AFF2: variants seen among roughly 807,000 people sequenced by gnomAD.
The protein encoded by AFF2 is AF4/FMR2 family member 2.
AFF2 carries 14 observed loss-of-function variants against 76.9 expected under a neutral mutation model. The ratio of observed to expected loss-of-function variants is 0.18; its 90% CI spans 0.12 to 0.28. The LOEUF (loss-of-function observed/expected upper bound fraction) is 0.28, where lower values mean the gene tolerates loss of function less well. Ranked by LOEUF, AFF2 falls within the 10% of genes least tolerant of loss-of-function variation. The probability of loss-of-function intolerance (pLI) is 1.00; values close to 1 mark genes in which losing one functional copy is unlikely to be tolerated. For synonymous variants in AFF2, 398 were observed against 366.7 expected (o/e 1.09, Z -0.98); for missense variants, 868 against 1,001.1 (o/e 0.87, Z 1.79).
At chrX:148,825,893 A>G (rs2070382629) in intron 4 of AFF2, among the ~76,000 whole-genome samples, 1 of 109,974 alleles carries the variant, frequency 9.1e-6, no homozygotes, top group Admixed American at 9.7e-5. Context: ...CTTTTGGACA[A>G]GAGTTACAAA....
rs1221906450 is a variant in AFF2, at chrX:148,997,315, A to G, written c.*5983A>G. 9.0e-6 allele frequency: 1 copy of G among 111,486 alleles called. No individual in the cohort carries two copies. Among genetic ancestry groups the G allele is most frequent in the Non-Finnish European group, 1.9e-5 (1 of 53,107 alleles). 9.2% of individuals were successfully genotyped at this position (111,486 alleles called of 1,213,427 possible). Reference sequence around the variant, plus strand: ...CACACACACACTCACACACACACACATACACTTTTTAAATTTTTAAATTAG... The same window carrying G: ...CACACACACACTCACACACACACACGTACACTTTTTAAATTTTTAAATTAG... On this transcript the variant is annotated 3_prime_UTR_variant, in exon 21 of 21. Coordinates refer to ENST00000370460, the MANE Select transcript of AFF2 (RefSeq NM_002025.4).
At chrX:148,745,223 T>C (rs1171458942) in intron 3 of AFF2, among the ~76,000 whole-genome samples, 3 of 112,056 alleles carry the variant, frequency 2.7e-5, no homozygotes, top group Non-Finnish European at 5.6e-5. Flanking sequence ...TGTGGTTTCA[T>C]CTCTAAAATG....
At chrX:148,913,045 A>G (rs1373208574) in intron 9 of AFF2, among the ~76,000 whole-genome samples, 2 of 113,158 alleles carry the variant, frequency 1.8e-5, no homozygotes, top group Non-Finnish European at 3.7e-5. Context: ...TTGGGCTCTT[A>G]ATGTTGTTCA....
chrX:148,976,390 A>G (rs781928485), intron 16 of AFF2, among the ~76,000 whole-genome samples: 2 of 112,195 alleles, frequency 1.8e-5, no homozygotes, highest in Non-Finnish European at 3.8e-5. Context: ...CCATTTTTGC[A>G]TGTACCCATT....
chrX:148,827,806 C>T (rs935908347), intron 4 of AFF2, among the ~76,000 whole-genome samples: 9 of 111,839 alleles, frequency 8.0e-5, no homozygotes, highest in Non-Finnish European at 9.4e-5. Context: ...TGTCAGATAC[C>T]TTGCAAGGAG....
intron 1 of AFF2, among the ~76,000 whole-genome samples, chrX:148,514,512 G>A (rs1368777580): frequency 8.9e-6 from 1 of 112,610 alleles, no homozygotes; most frequent in African/African-American, 3.2e-5. Flanking sequence ...AGGACTTCTA[G>A]CAGTGATGCT....
At chrX:148,569,186 G>A (rs939689681) in intron 1 of AFF2, among the ~76,000 whole-genome samples, 3 of 110,826 alleles carry the variant, frequency 2.7e-5, no homozygotes, top group Non-Finnish European at 5.7e-5. Flanking sequence ...TGAGGAGGAG[G>A]AGGAGGAGGA....
intron 18 of AFF2, among the ~76,000 whole-genome samples, chrX:148,980,293 G>A (rs982456741): frequency 2.7e-5 from 3 of 111,884 alleles, no homozygotes; most frequent in Non-Finnish European, 3.8e-5. Context: ...ACAAACAAAC[G>A]AAAATACTGC....
At chrX:148,934,865 T>C (rs936949472) in intron 9 of AFF2, among the ~76,000 whole-genome samples, 1 of 111,890 alleles carries the variant, frequency 8.9e-6, no homozygotes, top group African/African-American at 3.2e-5. Flanking sequence ...TAGATAAACA[T>C]GCATTTTCAA....
intron 8 of AFF2, among the ~76,000 whole-genome samples, chrX:148,887,386 A>G (rs1328192458): frequency 4.4e-5 from 5 of 112,619 alleles, no homozygotes; most frequent in Admixed American, 9.4e-5. Context: ...AAACAAAAGC[A>G]AAAATGAAAA....
intron 3 of AFF2, among the ~76,000 whole-genome samples, chrX:148,686,407 T>C (rs1379711541): frequency 3.6e-5 from 4 of 111,819 alleles, no homozygotes; most frequent in Non-Finnish European, 5.6e-5. Context: ...TCATTTAGAC[T>C]GAGTCAATCC....
At chrX:148,806,310 A>G (rs1273089497) in intron 3 of AFF2, among the ~76,000 whole-genome samples, 1 of 112,258 alleles carries the variant, frequency 8.9e-6, no homozygotes, top group Non-Finnish European at 1.9e-5. Context: ...GCATCTCCGC[A>G]GGGGGCTCAG....
chrX:148,731,262 A>G (rs782663735), intron 3 of AFF2, among the ~76,000 whole-genome samples: 16 of 111,776 alleles, frequency 1.4e-4, no homozygotes, highest in Non-Finnish European at 2.4e-4. Flanking sequence ...GTCCCAAAGG[A>G]CCTAAACTGA....
At chrX:148,796,315 C>T (rs1003095030) in intron 3 of AFF2, among the ~76,000 whole-genome samples, 1 of 110,694 alleles carries the variant, frequency 9.0e-6, no homozygotes. Context: ...GTGTCTCTTC[C>T]TGTCTGTTTC....
intron 1 of AFF2, among the ~76,000 whole-genome samples, chrX:148,563,221 C>T (rs1218331406): frequency 1.8e-5 from 2 of 112,163 alleles, no homozygotes; most frequent in Non-Finnish European, 1.9e-5. Context: ...AGGATCAGAC[C>T]TGTGGGTACT....
intron 1 of AFF2, among the ~76,000 whole-genome samples, chrX:148,611,634 G>A (rs782102395): frequency 2.7e-5 from 3 of 111,140 alleles, no homozygotes; most frequent in African/African-American, 6.5e-5. Context: ...CAATCACTGT[G>A]CCCTGAGTGG....
Position 148,717,448 on chromosome X carries a change from C to T in AFF2, c.1041+54680C>T, listed in dbSNP as rs946143131. ...CTTAATATGTAGAGTCTCTCCTTTT[C>T]GGGTGATGAAAATGTTTAAGAATCA... On this transcript the variant is annotated intron_variant, in intron 3 of 20. Transcript: ENST00000370460. Among the ~76,000 whole-genome samples the T allele has an allele frequency of 7.6e-4, 85 of 111,773 alleles. 2 individuals carry two copies. The highest frequency in any genetic ancestry group is 1.1e-3 in the Non-Finnish European group (56 of 53,129).
chrX:148,630,392 G>T (rs1205558308), intron 1 of AFF2, among the ~76,000 whole-genome samples: 1 of 111,873 alleles, frequency 8.9e-6, no homozygotes, highest in Non-Finnish European at 1.9e-5. Flanking sequence ...CTTTGCCTTT[G>T]TAGTGTAATT....
At chrX:148,510,473 A>G (rs1208273527) in intron 1 of AFF2, among the ~76,000 whole-genome samples, 8 of 111,597 alleles carry the variant, frequency 7.2e-5, no homozygotes, top group Admixed American at 4.8e-4. Flanking sequence ...ATACCCTAGG[A>G]TAGATGCTAT....
Sources: allele counts gnomAD v4.1 joint callset (sites outside exome capture counted in the v4.1 genomes callset), GRCh38; gene constraint gnomAD v4.1.1; transcripts MANE v1.5; gene names NCBI Gene and HGNC (gene_info 2026-07-23, HGNC 2026-07-21).